GYS2: variants seen among roughly 807,000 people sequenced by gnomAD.
GYS2 encodes the protein glycogen [starch] synthase, liver.
Under a neutral mutation model 85.6 loss-of-function variants are expected in GYS2, and 80 were observed. That is an observed-to-expected ratio of 0.93 (90% CI 0.78 to 1.13). The LOEUF (loss-of-function observed/expected upper bound fraction) is 1.13, where lower values mean the gene tolerates loss of function less well. Ranked by LOEUF, GYS2 falls within the 50% of genes most tolerant of loss-of-function variation. The pLI, the probability that GYS2 is intolerant of heterozygous loss-of-function variation, is 0.00. For synonymous variants in GYS2, 328 were observed against 300.7 expected (o/e 1.09, Z -0.94); for missense variants, 881 against 854.9 (o/e 1.03, Z -0.38).
Position 21,564,578 on chromosome 12 carries a change from G to T in GYS2, c.824-1233C>A, listed in dbSNP as rs544831793. On this transcript the variant is annotated intron_variant, in intron 5 of 15. Transcript: ENST00000261195. Reference sequence around the variant, plus strand: ...GTTTTTATTAAGTAATCTGACCTTTGTTACACTCTTTTACATACATGGCCA... The same window carrying T: ...GTTTTTATTAAGTAATCTGACCTTTTTTACACTCTTTTACATACATGGCCA... Among the ~76,000 whole-genome samples, 5 of 152,126 alleles carry T rather than the reference G, an allele frequency of 3.3e-5. No homozygotes were observed. In the East Asian group the frequency reaches 7.7e-4, roughly 23 times the overall value.
chr12:21,562,670 C>A (rs113103470), intron 7 of GYS2, among the ~76,000 whole-genome samples: 15 of 101,518 alleles, frequency 1.5e-4, no homozygotes, highest in African/African-American at 4.7e-4. Context: ...CTTAATGAGA[C>A]ATATAATGGG....
intron 11 of GYS2, among the ~76,000 whole-genome samples, chr12:21,547,126 AGTG>A (rs1357225389): frequency 1.3e-5 from 2 of 152,230 alleles, no homozygotes; most frequent in Non-Finnish European, 2.9e-5. Flanking sequence ...AAAGTTGTTC[AGTG>A]GCTTCCCATT....
At chr12:21,537,417 C>T in intron 15 of GYS2, 1 of 520,462 alleles carries the variant, frequency 1.9e-6, no homozygotes, top group Admixed American at 3.3e-5. Context: ...TTATTATCAT[C>T]TTATCTTTTA....
intron 5 of GYS2, among the ~76,000 whole-genome samples, chr12:21,567,903 T>C (rs1477099362): frequency 6.6e-6 from 1 of 151,910 alleles, no homozygotes; most frequent in Non-Finnish European, 1.5e-5. Context: ...TGAAACCCCG[T>C]CTCTACTAAA....
At chr12:21,562,256 A>G (rs4762708) in intron 7 of GYS2, among the ~76,000 whole-genome samples, 110,121 of 151,916 alleles carry the variant, frequency 0.72, 40,192 homozygotes, top group South Asian at 0.79. Flanking sequence ...AAGAGTTTAA[A>G]ACTCTTAGTC....
At chr12:21,558,056 C>A in intron 11 of GYS2, 144 bp downstream of exon 11, 1 of 661,280 alleles carries the variant, frequency 1.5e-6, no homozygotes, top group Non-Finnish European at 2.7e-6. Flanking sequence ...TTTAGTTATC[C>A]AAGACAAGAA....
chr12:21,589,159 C>T (rs1944606729), intron 1 of GYS2, among the ~76,000 whole-genome samples: 1 of 152,106 alleles, frequency 6.6e-6, no homozygotes, highest in Admixed American at 6.5e-5. Flanking sequence ...TTAAAACATC[C>T]TTGTTTGTTA....
chr12:21,557,765 T>G (rs891294493), intron 11 of GYS2, among the ~76,000 whole-genome samples: 3 of 152,050 alleles, frequency 2.0e-5, no homozygotes, highest in South Asian at 2.1e-4. Context: ...CGGGCATGGT[T>G]GCGGGCGCCT....
At chr12:21,580,226 AC>A (rs2136913061) in intron 2 of GYS2, 115 bp downstream of exon 2, 1 of 941,290 alleles carries the variant, frequency 1.1e-6, no homozygotes, top group African/African-American at 1.6e-5. Context: ...TTTCTCACAA[AC>A]CTGAAAGTTT....
At position 21,604,541 on chromosome 12, in the gene GYS2, ACTG is replaced by A; in HGVS notation, c.49_51del (p.Gln17del). ...TCCACAGGAAGTTCTTCGACTTCCC[ACTG>A]GGGAAGCCCACCCAGGGATGTTACA... On this transcript the variant is annotated inframe_deletion, in exon 1 of 16. Coordinates refer to ENST00000261195, the MANE Select transcript of GYS2 (RefSeq NM_021957.4). The A allele has an allele frequency of 6.2e-7, 1 of 1,612,330 alleles. No individual in the cohort carries two copies. The highest frequency in any genetic ancestry group is 8.5e-7 in the Non-Finnish European group (1 of 1,178,556).
intron 7 of GYS2, 101 bp from the exon 8 acceptor site, chr12:21,560,593 T>C (rs1944241421): frequency 2.7e-6 from 2 of 741,406 alleles, no homozygotes; most frequent in Admixed American, 1.8e-5. Context: ...AAAATATCAG[T>C]AGATAAAAGG....
At chr12:21,602,880 C>T (rs1944769704) in intron 1 of GYS2, among the ~76,000 whole-genome samples, 1 of 152,036 alleles carries the variant, frequency 6.6e-6, no homozygotes, top group African/African-American at 2.4e-5. Flanking sequence ...GCAGAAGGGG[C>T]TCTGCTCAGG....
At chr12:21,569,790 C>A (rs1361694212) in intron 4 of GYS2, among the ~76,000 whole-genome samples, 2 of 152,124 alleles carry the variant, frequency 1.3e-5, no homozygotes, top group Non-Finnish European at 2.9e-5. Context: ...TTTAGTAGCT[C>A]TTCAGCACTA....
chr12:21,597,802 T>C (rs1375716162), intron 1 of GYS2, among the ~76,000 whole-genome samples: 1 of 152,152 alleles, frequency 6.6e-6, no homozygotes, highest in Non-Finnish European at 1.5e-5. Flanking sequence ...TCAACCTAAG[T>C]GTCCATCAAT....
In GYS2 at chr12:21,576,065, A is replaced by G; in HGVS notation, c.304-8T>C. 1.2e-6 allele frequency: 2 copies of G among 1,607,960 alleles called. No homozygotes were observed. The highest frequency in any genetic ancestry group is 2.7e-5 in the African/African-American group (2 of 74,978). ...CCATCTTCCAAAATGCACCTGTCAT[A>G]TAAAGAACACAGCCATGTAGTGATA... On this transcript the variant is annotated splice_region_variant and splice_polypyrimidine_tract_variant and intron_variant, in intron 2 of 15. Coordinates refer to ENST00000261195, the MANE Select transcript of GYS2 (RefSeq NM_021957.4).
At chr12:21,548,819 C>T (rs896122544) in intron 11 of GYS2, among the ~76,000 whole-genome samples, 42 of 151,832 alleles carry the variant, frequency 2.8e-4, no homozygotes, top group Admixed American at 9.2e-4. Context: ...TTTCCCAGCG[C>T]TTTTTTTTGG....
At position 21,546,431 on chromosome 12, in the gene GYS2, A is replaced by AG; in HGVS notation, c.1461dup (p.Leu489ThrfsTer6). 6.3e-7 allele frequency: 1 copy of AG among 1,597,392 alleles called. No homozygotes were observed. Among genetic ancestry groups the AG allele is most frequent in the Non-Finnish European group, 8.6e-7 (1 of 1,165,536 alleles). On this transcript the variant is annotated frameshift_variant, in exon 12 of 16. Transcript: ENST00000261195. LOFTEE classifies it high-confidence loss of function. ...AACTCTTCATAGTCCATGGGTAGTA[A>AG]GGGACTGGTGGAGGATAGAAACTCT...
At chr12:21,550,165 C>G (rs1370133104) in intron 11 of GYS2, among the ~76,000 whole-genome samples, 2 of 152,096 alleles carry the variant, frequency 1.3e-5, no homozygotes, top group Non-Finnish European at 2.9e-5. Flanking sequence ...TTGTACTTTA[C>G]CTGTCACAGT....
chr12:21,601,070 C>CT (rs1306452595), intron 1 of GYS2, among the ~76,000 whole-genome samples: 1 of 152,032 alleles, frequency 6.6e-6, no homozygotes. Context: ...ATTTATTAAA[C>CT]TTTTTTAATG....
Sources: gnomAD v4.1 joint callset for allele counts (sites outside exome capture counted in the v4.1 genomes callset) on GRCh38, gnomAD v4.1.1 for gene constraint, MANE v1.5 for transcripts, NCBI Gene and HGNC (gene_info 2026-07-23, HGNC 2026-07-21) for gene names.